FRMD4B: variants seen among roughly 807,000 people sequenced by gnomAD.
The protein encoded by FRMD4B is FERM domain-containing protein 4B.
In FRMD4B, 74 loss-of-function variants were observed where a neutral mutation model predicts 141.5. The ratio of observed to expected loss-of-function variants is 0.52; its 90% CI spans 0.43 to 0.63. The LOEUF (loss-of-function observed/expected upper bound fraction) is 0.63, where lower values mean the gene tolerates loss of function less well. Ranked by LOEUF, FRMD4B falls within the 30% of genes least tolerant of loss-of-function variation. The pLI, the probability that FRMD4B is intolerant of heterozygous loss-of-function variation, is 0.00. For missense variants in FRMD4B, 1,366 were observed against 1,253.4 expected (o/e 1.09, Z -1.36); for synonymous variants, 506 against 467.9 (o/e 1.08, Z -1.05).
At position 69,379,224 on chromosome 3, in the gene FRMD4B, G is replaced by C. The variant is rs1170883928; in HGVS notation, c.162+6604C>G. 2.6e-5 allele frequency among the ~76,000 whole-genome samples: 4 copies of C among 152,160 alleles called. No homozygotes were observed. In the East Asian group the frequency reaches 7.7e-4, roughly 29 times the overall value. On this transcript the variant is annotated intron_variant, in intron 1 of 22. Coordinates refer to ENST00000398540, the MANE Select transcript of FRMD4B (RefSeq NM_015123.3). ...ATTATATTTTACAGAGAAGGACCTA[G>C]TAAAGGTAAATTGAGCACTCATCTT...
At chr3:69,200,769 C>A (rs780110610) in intron 11 of FRMD4B, 2 of 935,852 alleles carry the variant, frequency 2.1e-6, no homozygotes, top group South Asian at 2.7e-5. Flanking sequence ...CGAATTTCAC[C>A]GGAGGCTGTT....
Position 69,520,025 on chromosome 3 carries a change from T to TATATAG in FRMD4B, c.-129+22180_-129+22181insCTATAT, listed in dbSNP as rs1187722886. ...ATATATATATATATATATATATATA[T>TATATAG]TCCATCATATATATATATTCCATCC... On this transcript the variant is annotated intron_variant, in intron 1 of 5. Coordinates refer to the FRMD4B transcript ENST00000459638. 2.6e-4 allele frequency among the ~76,000 whole-genome samples: 30 copies of TATATAG among 113,682 alleles called. 1 individual carries two copies. Among genetic ancestry groups the TATATAG allele is most frequent in the African/African-American group, 1.3e-3 (29 of 23,120 alleles). 74.6% of individuals were successfully genotyped at this position (113,682 alleles called of 152,430 possible).
intron 7 of FRMD4B, among the ~76,000 whole-genome samples, chr3:69,228,034 G>A (rs1179240158): frequency 6.6e-6 from 1 of 152,228 alleles, no homozygotes; most frequent in Non-Finnish European, 1.5e-5. Flanking sequence ...TTAGATTAGT[G>A]GTTCTCAACG....
At chr3:69,453,792 G>A (rs975467531) in intron 1 of FRMD4B, among the ~76,000 whole-genome samples, 4 of 152,184 alleles carry the variant, frequency 2.6e-5, no homozygotes, top group African/African-American at 9.6e-5. Context: ...AATGGAGTAA[G>A]GAAATCCATG....
chr3:69,322,984 A>T, intron 1 of FRMD4B: 1 of 950,324 alleles, frequency 1.1e-6, no homozygotes, highest in Non-Finnish European at 1.3e-6. Flanking sequence ...CTCAGGTTCC[A>T]TCAGTCGTAC....
At chr3:69,224,880 G>C (rs2093235469) in intron 7 of FRMD4B, among the ~76,000 whole-genome samples, 190 bp from the exon 8 acceptor site, 1 of 124,820 alleles carries the variant, frequency 8.0e-6, no homozygotes, top group Non-Finnish European at 1.8e-5. Flanking sequence ...AGATGTTGAA[G>C]TTTATAATAT....
chr3:69,284,859 T>C (rs1302832752), intron 5 of FRMD4B, among the ~76,000 whole-genome samples: 1 of 152,096 alleles, frequency 6.6e-6, no homozygotes, highest in Non-Finnish European at 1.5e-5. Context: ...AAATCAAACC[T>C]CTAAAGATAG....
intron 1 of FRMD4B, among the ~76,000 whole-genome samples, chr3:69,382,287 G>C (rs1336629348): frequency 6.6e-6 from 1 of 152,138 alleles, no homozygotes; most frequent in Non-Finnish European, 1.5e-5. Flanking sequence ...TGATCCACTC[G>C]CCTCAGCCTC....
intron 1 of FRMD4B, among the ~76,000 whole-genome samples, chr3:69,333,090 G>A (rs995848308): frequency 2.6e-5 from 4 of 152,098 alleles, no homozygotes; most frequent in Admixed American, 6.6e-5. Flanking sequence ...GGATGCTTTT[G>A]GGAATCTGCA....
chr3:69,447,977 T>C (rs1280140036), intron 1 of FRMD4B, among the ~76,000 whole-genome samples: 1 of 152,200 alleles, frequency 6.6e-6, no homozygotes, highest in East Asian at 1.9e-4. Flanking sequence ...GATTCTTTCC[T>C]GTTTGGATTA....
chr3:69,471,158 G>C (rs888223941), intron 1 of FRMD4B, among the ~76,000 whole-genome samples: 1 of 152,152 alleles, frequency 6.6e-6, no homozygotes, highest in Non-Finnish European at 1.5e-5. Context: ...CTTTCAAGGG[G>C]TTTGGTGAGT....
At chr3:69,322,499 C>T (rs549194827) in intron 1 of FRMD4B, among the ~76,000 whole-genome samples, 1 of 152,226 alleles carries the variant, frequency 6.6e-6, no homozygotes, top group South Asian at 2.1e-4. Flanking sequence ...TACTACATGT[C>T]ACACGAGTAT....
intron 1 of FRMD4B, among the ~76,000 whole-genome samples, chr3:69,342,583 G>C (rs1374441551): frequency 6.6e-6 from 1 of 152,128 alleles, no homozygotes; most frequent in African/African-American, 2.4e-5. Context: ...TTAAACAAAA[G>C]TAACTGCCAC....
At chr3:69,404,341 C>T (rs1307228592) in intron 2 of FRMD4B, among the ~76,000 whole-genome samples, 1 of 152,116 alleles carries the variant, frequency 6.6e-6, no homozygotes, top group Non-Finnish European at 1.5e-5. Flanking sequence ...CTTTCTGATC[C>T]AGAGGATTCT....
At chr3:69,540,660 TACACACACAC>T (rs1161119924) in intron 1 of FRMD4B, among the ~76,000 whole-genome samples, 54 of 56,844 alleles carry the variant, frequency 9.5e-4, no homozygotes, top group African/African-American at 4.5e-3. Flanking sequence ...TATATATATA[TACACACACAC>T]ACACACACAC....
intron 1 of FRMD4B, among the ~76,000 whole-genome samples, chr3:69,371,167 G>A (rs1192801724): frequency 6.6e-6 from 1 of 152,144 alleles, no homozygotes; most frequent in Non-Finnish European, 1.5e-5. Flanking sequence ...GATGGGGTAA[G>A]CATCATGTAG....
At chr3:69,289,826 C>CA (rs1474807911) in intron 4 of FRMD4B, among the ~76,000 whole-genome samples, 2 of 151,902 alleles carry the variant, frequency 1.3e-5, no homozygotes, top group Non-Finnish European at 1.5e-5. Context: ...AAAAAAAACC[C>CA]AAAAAACAAC....
At chr3:69,535,600 G>A (rs1701071870) in intron 1 of FRMD4B, 1 of 183,864 alleles carries the variant, frequency 5.4e-6, no homozygotes. Context: ...TAAAGCAGTG[G>A]TTTGCTGAAG....
At chr3:69,523,360 G>A (rs756022156) in intron 1 of FRMD4B, among the ~76,000 whole-genome samples, 9 of 152,092 alleles carry the variant, frequency 5.9e-5, no homozygotes, top group Non-Finnish European at 1.2e-4. Context: ...CCATTCACAC[G>A]CATAAAGCTG....
Sources: allele counts gnomAD v4.1 joint callset (sites outside exome capture counted in the v4.1 genomes callset), GRCh38; gene constraint gnomAD v4.1.1; transcripts MANE v1.5; gene names NCBI Gene and HGNC (gene_info 2026-07-23, HGNC 2026-07-21).